Variants in ADCY2 observed in about 807,000 individuals in gnomAD.
The protein encoded by ADCY2 is adenylate cyclase 2.
Under a neutral mutation model 125.2 loss-of-function variants are expected in ADCY2, and 31 were observed. The observed-to-expected ratio is 0.25, with a 90% CI of 0.19 to 0.33. The LOEUF (loss-of-function observed/expected upper bound fraction) is 0.33, where lower values mean the gene tolerates loss of function less well. Among genes scored for constraint, ADCY2 ranks in the 10% least tolerant of loss-of-function variants. ADCY2 has a pLI of 1.00. For synonymous variants in ADCY2, 512 were observed against 548.4 expected, an observed-to-expected ratio of 0.93 and a Z score of 0.93; for missense variants, 904 against 1,418.2, an observed-to-expected ratio of 0.64 and a Z score of 5.82.
intron 3 of ADCY2, among the ~76,000 whole-genome samples, chr5:7,589,520 G>A (rs1439835370): frequency 4.0e-5 from 4 of 101,210 alleles, no homozygotes; most frequent in East Asian, 3.1e-4. Flanking sequence ...GAAAAGAAAA[G>A]AAAGAGAAAG....
intron 22 of ADCY2, among the ~76,000 whole-genome samples, chr5:7,812,227 T>G (rs566399155): frequency 5.2e-4 from 79 of 152,156 alleles, no homozygotes; most frequent in African/African-American, 1.9e-3. Flanking sequence ...AAGCAAAAAA[T>G]CCTAAGTCTG....
intron 15 of ADCY2, among the ~76,000 whole-genome samples, chr5:7,754,881 C>A (rs1010091422): frequency 6.6e-6 from 1 of 151,238 alleles, no homozygotes; most frequent in Non-Finnish European, 1.5e-5. Flanking sequence ...AAAGAAAAAA[C>A]AAAACAAAAC....
rs1579489627 is a variant in ADCY2 at position 7,829,551 on chromosome 5, A to AG, written c.*2681dup. ...CCAGGTCCCAGTGCCATTGGCTTCAAGAAAAAAAAAAAATCTCTCCCCAAT... is the reference window on the plus strand; with the variant it reads ...CCAGGTCCCAGTGCCATTGGCTTCAAGGAAAAAAAAAAAATCTCTCCCCAAT... On this transcript the variant is annotated 3_prime_UTR_variant, in exon 25 of 25. Coordinates refer to ENST00000338316, the MANE Select transcript of ADCY2 (RefSeq NM_020546.3). 1.1e-5 allele frequency: 1 copy of AG among 89,720 alleles called. No individual in the cohort carries two copies. Among genetic ancestry groups the AG allele is most frequent in the East Asian group, 2.2e-4 (1 of 4,488 alleles). The allele number at this position is 89,720 out of a possible 1,614,324, so 5.6% of individuals were successfully genotyped here.
intron 19 of ADCY2, 113 bp from the exon 20 acceptor site, chr5:7,789,529 G>A: frequency 9.6e-7 from 1 of 1,040,882 alleles, no homozygotes; most frequent in Non-Finnish European, 1.4e-6. Flanking sequence ...AGTTCTGTTT[G>A]GGGGTTCTTT....
intron 3 of ADCY2, among the ~76,000 whole-genome samples, chr5:7,607,703 AT>A (rs1737426532): frequency 6.6e-6 from 1 of 152,210 alleles, no homozygotes; most frequent in Non-Finnish European, 1.5e-5. Flanking sequence ...TATAAATGAA[AT>A]TTGCATTTAT....
chr5:7,561,119 G>T (rs1735695008), intron 3 of ADCY2, among the ~76,000 whole-genome samples: 2 of 152,208 alleles, frequency 1.3e-5, no homozygotes, highest in Admixed American at 6.5e-5. Flanking sequence ...ACACATGCTT[G>T]CATGCTTGGG....
chr5:7,633,297 G>T (rs1470092362), intron 4 of ADCY2, among the ~76,000 whole-genome samples: 1 of 151,872 alleles, frequency 6.6e-6, no homozygotes, highest in Non-Finnish European at 1.5e-5. Context: ...TGGGTGTGGT[G>T]GTGGGCACCT....
chr5:7,816,407 C>T (rs1263260606), intron 22 of ADCY2, among the ~76,000 whole-genome samples: 1 of 152,206 alleles, frequency 6.6e-6, no homozygotes, highest in Non-Finnish European at 1.5e-5. Flanking sequence ...CACTGCACCT[C>T]CCACTGGGCA....
rs538890869 is a variant in ADCY2 at position 7,702,845 on chromosome 5, C to T, written c.1110-3899C>T. ...TTGAACTAGTTTACAGTCCCACCAA[C>T]AGTGTAAAAGTGTTCCTATTTCTCC... On this transcript the variant is annotated intron_variant, in intron 7 of 24. Coordinates refer to ENST00000338316, the MANE Select transcript of ADCY2 (RefSeq NM_020546.3). 7.2e-5 allele frequency among the ~76,000 whole-genome samples: 11 copies of T among 152,308 alleles called. No homozygotes were observed. In the East Asian group the frequency reaches 2.1e-3, roughly 29 times the overall value.
At chr5:7,544,006 T>C (rs1579557150) in intron 3 of ADCY2, among the ~76,000 whole-genome samples, 1 of 86,064 alleles carries the variant, frequency 1.2e-5, no homozygotes, top group Non-Finnish European at 2.1e-5. Flanking sequence ...AGAGCGAGAC[T>C]CCGTCTCAAA....
chr5:7,510,425 G>A (rs78403122), intron 2 of ADCY2, among the ~76,000 whole-genome samples: 3,709 of 152,236 alleles, frequency 0.024, 61 homozygotes, highest in Non-Finnish European at 0.034. Context: ...ACAACCCTTC[G>A]GAGCAGTGTG....
At chr5:7,789,344 T>G (rs1744182266) in intron 19 of ADCY2, among the ~76,000 whole-genome samples, 1 of 152,240 alleles carries the variant, frequency 6.6e-6, no homozygotes, top group South Asian at 2.1e-4. Flanking sequence ...AAAAATAATT[T>G]GAGCCCTCTT....
In ADCY2 at chr5:7,636,755, G is replaced by A. The variant is rs10062761; in HGVS notation, c.720+10439G>A. Reference sequence around the variant, plus strand: ...ATAGTGGCCAACATAGTCACATGCTGTAGAGTCATAGTGAGAAGAGGGTAA... The same window carrying A: ...ATAGTGGCCAACATAGTCACATGCTATAGAGTCATAGTGAGAAGAGGGTAA... On this transcript the variant is annotated intron_variant, in intron 4 of 24. Coordinates refer to ENST00000338316, the MANE Select transcript of ADCY2 (RefSeq NM_020546.3). 4.3e-3 allele frequency among the ~76,000 whole-genome samples: 652 copies of A among 152,330 alleles called. 2 individuals carry two copies. Among genetic ancestry groups the A allele is most frequent in the African/African-American group, 0.015 (604 of 41,572 alleles).
intron 2 of ADCY2, among the ~76,000 whole-genome samples, chr5:7,488,238 A>C (rs1743016401): frequency 6.6e-6 from 1 of 152,088 alleles, no homozygotes. Context: ...TCCCCTGCAC[A>C]AGCTCTCTTG....
intron 22 of ADCY2, among the ~76,000 whole-genome samples, chr5:7,809,973 A>ACCCTGGCT (rs2126530008): frequency 6.6e-6 from 1 of 152,296 alleles, no homozygotes; most frequent in East Asian, 1.9e-4. Flanking sequence ...AGGTGTAGAC[A>ACCCTGGCT]CCCTGGCTTG....
At chr5:7,810,749 C>T (rs755760535) in intron 22 of ADCY2, among the ~76,000 whole-genome samples, 34 of 152,048 alleles carry the variant, frequency 2.2e-4, no homozygotes, top group Non-Finnish European at 4.6e-4. Context: ...AGCAACTGTT[C>T]ATTAGACTGG....
intron 2 of ADCY2, among the ~76,000 whole-genome samples, chr5:7,519,689 A>G (rs1009848655): frequency 6.6e-6 from 1 of 152,198 alleles, no homozygotes; most frequent in Non-Finnish European, 1.5e-5. Flanking sequence ...ACACAACATA[A>G]ATTACCCAAT....
At chr5:7,412,095 C>T (rs981002427) in intron 1 of ADCY2, among the ~76,000 whole-genome samples, 1 of 151,960 alleles carries the variant, frequency 6.6e-6, no homozygotes, top group African/African-American at 2.4e-5. Context: ...AAGAGAAGCA[C>T]GGGAAAGCTC....
At chr5:7,564,409 C>T (rs35597599) in intron 3 of ADCY2, among the ~76,000 whole-genome samples, 37,356 of 152,124 alleles carry the variant, frequency 0.25, 4,905 homozygotes, top group Non-Finnish European at 0.28. Context: ...CCATGGCCTA[C>T]TACAGGGTTT....
Sources: allele counts gnomAD v4.1 joint callset (sites outside exome capture counted in the v4.1 genomes callset), GRCh38; gene constraint gnomAD v4.1.1; transcripts MANE v1.5; gene names NCBI Gene and HGNC (gene_info 2026-07-23, HGNC 2026-07-21).